CHAT: variants seen among roughly 807,000 people sequenced by gnomAD.
The protein encoded by CHAT is acetyl CoA:choline O-acetyltransferase.
In CHAT, 61 loss-of-function variants were observed where a neutral mutation model predicts 76.9. That is an observed-to-expected ratio of 0.79 (90% CI 0.65 to 0.98). The LOEUF is 0.98. CHAT is among the 50% of genes least tolerant of loss of function. The probability of loss-of-function intolerance (pLI) is 0.00; values close to 1 mark genes in which losing one functional copy is unlikely to be tolerated. For synonymous variants in CHAT, 407 were observed against 397.4 expected (o/e 1.02, Z -0.29); for missense variants, 946 against 986.9 (o/e 0.96, Z 0.56).
rs55702495 is a variant in CHAT at position 49,655,128 on chromosome 10, C to T, written c.1668C>T (p.Ser556=). The change falls in exon 12 of 15, where the codon AGC becomes AGT. Residue 556 remains serine, a synonymous_variant. Coordinates refer to ENST00000337653, the MANE Select transcript of CHAT (RefSeq NM_020549.5). ...GAAGACTGGTGCCCACCTACGAGAG[C>T]GCGTCCATCCGCCGATTCCAGGAGG... The part of the protein sequence containing the change: ...LHRRLVPTYE[S]ASIRRFQEGR... 31 of 1,614,004 alleles carry T rather than the reference C, an allele frequency of 1.9e-5. No homozygotes were observed. The Admixed American group carries it at 2.5e-4, about 13-fold the overall frequency.
At chr10:49,610,106 C>T (rs1838249641), upstream of CHAT, among the ~76,000 whole-genome samples, 2 of 151,902 alleles carry the variant, frequency 1.3e-5, no homozygotes, top group Non-Finnish European at 2.9e-5. Context: ...GACTTCCACA[C>T]CGAGAGCCCT....
intron 11 of CHAT, 80 bp downstream of exon 11, chr10:49,652,086 T>A (rs1839898358): frequency 1.3e-6 from 2 of 1,590,044 alleles, no homozygotes; most frequent in Non-Finnish European, 1.7e-6. Flanking sequence ...AGAAGCATCC[T>A]GGAGGGAGGG....
Position 49,667,769 on chromosome 10 carries a change from A to G in CHAT, c.*2723A>G, listed in dbSNP as rs1026276151. On this transcript the variant is annotated 3_prime_UTR_variant, in exon 15 of 15. Coordinates refer to ENST00000337653, the MANE Select transcript of CHAT (RefSeq NM_020549.5). ...TAATATTTGAGTTCTATTTTTATAA[A>G]ATAGTTCTAGATTTATGGCAATATA... 6.6e-6 allele frequency among the ~76,000 whole-genome samples: 1 copy of G among 152,232 alleles called. No homozygotes were observed. The highest frequency in any genetic ancestry group is 2.4e-5 in the African/African-American group (1 of 41,468).
intron 7 of CHAT, among the ~76,000 whole-genome samples, chr10:49,644,056 G>A (rs1462538719): frequency 6.6e-6 from 1 of 152,244 alleles, no homozygotes; most frequent in Non-Finnish European, 1.5e-5. Context: ...CCTGACAAGA[G>A]TGCAATTCCA....
chr10:49,651,345 T>G (rs1160921477), intron 10 of CHAT, among the ~76,000 whole-genome samples: 1 of 151,490 alleles, frequency 6.6e-6, no homozygotes, highest in African/African-American at 2.4e-5. Flanking sequence ...ACAGAAGGTG[T>G]GCGTGTGGGC....
upstream of CHAT, chr10:49,610,837 C>A (rs753791508): frequency 6.2e-7 from 1 of 1,610,222 alleles, no homozygotes; most frequent in Non-Finnish European, 8.5e-7. Flanking sequence ...GCGGCAGAGG[C>A]GCCTGGTGCT....
intron 7 of CHAT, among the ~76,000 whole-genome samples, chr10:49,634,602 C>T (rs1242967499): frequency 6.6e-6 from 1 of 152,228 alleles, no homozygotes; most frequent in African/African-American, 2.4e-5. Flanking sequence ...ACACTGGGCT[C>T]CTCTCTTTAC....
intron 7 of CHAT, among the ~76,000 whole-genome samples, chr10:49,645,265 C>A (rs1300332418): frequency 6.6e-6 from 1 of 152,198 alleles, no homozygotes; most frequent in Non-Finnish European, 1.5e-5. Flanking sequence ...CATCTTCCCA[C>A]ACACAGAGCA....
intron 7 of CHAT, among the ~76,000 whole-genome samples, chr10:49,634,979 A>C (rs1264817593): frequency 6.6e-6 from 1 of 152,190 alleles, no homozygotes; most frequent in Non-Finnish European, 1.5e-5. Flanking sequence ...GCATTTTCCA[A>C]AACTATAGTA....
intron 9 of CHAT, 117 bp downstream of exon 9, chr10:49,648,724 T>C (rs936268943): frequency 3.5e-6 from 2 of 577,400 alleles, no homozygotes; most frequent in African/African-American, 3.6e-5. Flanking sequence ...AAATGTGTAC[T>C]ATACACACAC....
chr10:49,648,552 TC>T lies in CHAT; in HGVS notation c.1331del (p.Pro444HisfsTer18), dbSNP rs768533400. 6.2e-7 allele frequency: 1 copy of T among 1,614,044 alleles called. No individual in the cohort carries two copies. Among genetic ancestry groups the T allele is most frequent in the Non-Finnish European group, 8.5e-7 (1 of 1,179,972 alleles). On this transcript the variant is annotated frameshift_variant, in exon 9 of 15. Coordinates refer to ENST00000337653, the MANE Select transcript of CHAT (RefSeq NM_020549.5). LOFTEE classifies it high-confidence loss of function. ...CACCTGCGGTGTGGTGTGCGAACACTCCCCATTCGATGGCATCGTCCTGGTG... is the reference window on the plus strand; with the variant it reads ...CACCTGCGGTGTGGTGTGCGAACACTCCCATTCGATGGCATCGTCCTGGTG... ...DGTCGVVCEH[S>X]PFDGIVLVQC...
chr10:49,655,258 G>A (rs779941353), intron 12 of CHAT, 22 bp downstream of exon 12: 13 of 1,613,834 alleles, frequency 8.1e-6, no homozygotes, highest in African/African-American at 1.3e-5. Flanking sequence ...CCCACCCCAC[G>A]GCCACAGGAA....
rs781493867 is a variant in CHAT, at chr10:49,614,204, A to C, written c.15A>C (p.Thr5=). Residue 5 remains threonine, a synonymous_variant, in exon 1 of 15, where the codon ACA becomes ACC. Transcript: ENST00000337653. The part of the protein sequence containing the change: MGLR[T]AKKRGLGGGG... ...CTGGGGAAGGGATGGGGCTGAGGAC[A>C]GCGAAGAAGAGGGGGCTTGGGGGAG... is the stretch of plus-strand genomic sequence containing the variant. 7.3e-7 allele frequency: 1 copy of C among 1,369,026 alleles called. No homozygotes were observed. Among genetic ancestry groups the C allele is most frequent in the South Asian group, 1.3e-5 (1 of 79,772 alleles). The allele number at this position is 1,369,026 out of a possible 1,614,324, so 84.8% of individuals were successfully genotyped here.
Position 49,655,371 on chromosome 10 carries a change from G to C in CHAT, c.1777-15G>C. 6.2e-7 allele frequency: 1 copy of C among 1,614,082 alleles called. No individual in the cohort carries two copies. The highest frequency in any genetic ancestry group is 8.5e-7 in the Non-Finnish European group (1 of 1,179,994). On this transcript the variant is annotated splice_polypyrimidine_tract_variant and intron_variant, in intron 12 of 14. Transcript: ENST00000337653. ...GCCTTTTAAACCCCGCGCTGCCTCTGTGTTCTGTTGACAGGCTTCTGAGAA... is the reference window on the plus strand; with the variant it reads ...GCCTTTTAAACCCCGCGCTGCCTCTCTGTTCTGTTGACAGGCTTCTGAGAA...
intron 13 of CHAT, among the ~76,000 whole-genome samples, chr10:49,658,657 T>C (rs1840103366): frequency 6.6e-6 from 1 of 152,148 alleles, no homozygotes; most frequent in South Asian, 2.1e-4. Context: ...TGCGGTGAGC[T>C]GAGATTGCAC....
upstream of CHAT, chr10:49,611,455 G>A: frequency 6.3e-7 from 1 of 1,598,426 alleles, no homozygotes; most frequent in Non-Finnish European, 8.5e-7. Flanking sequence ...CTATGAGTTC[G>A]CCGGCAAGCG....
At chr10:49,645,499 C>T (rs750039215) in intron 7 of CHAT, among the ~76,000 whole-genome samples, 5 of 152,212 alleles carry the variant, frequency 3.3e-5, no homozygotes, top group Non-Finnish European at 2.9e-5. Context: ...GAGAGAACAT[C>T]GTCAGCACAA....
upstream of CHAT, among the ~76,000 whole-genome samples, chr10:49,609,865 G>T (rs1209498694): frequency 6.6e-6 from 1 of 152,154 alleles, no homozygotes. Flanking sequence ...CACCTCGGGG[G>T]CTTCCTGCTC....
intron 7 of CHAT, 150 bp downstream of exon 7, chr10:49,627,935 G>A: frequency 1.1e-6 from 1 of 887,360 alleles, no homozygotes; most frequent in Non-Finnish European, 1.8e-6. Context: ...CAGCCACAGT[G>A]CCTTGCCACC....
Sources: gnomAD v4.1 joint callset for allele counts (sites outside exome capture counted in the v4.1 genomes callset) on GRCh38, gnomAD v4.1.1 for gene constraint, MANE v1.5 for transcripts, NCBI Gene and HGNC (gene_info 2026-07-23, HGNC 2026-07-21) for gene names.